The following CNTNAP2 variants were observed in gnomAD, a reference collection of about 807,000 sequenced individuals.
CNTNAP2 encodes the protein contactin associated protein 2.
A neutral mutation model predicts 155.2 loss-of-function variants in CNTNAP2; 98 were observed. The observed-to-expected ratio is 0.63, with a 90% CI of 0.54 to 0.75. The LOEUF (loss-of-function observed/expected upper bound fraction) is 0.75. Ranked by LOEUF, CNTNAP2 falls within the 30% of genes least tolerant of loss-of-function variation. The pLI, the probability that CNTNAP2 is intolerant of heterozygous loss-of-function variation, is 0.00. For missense variants in CNTNAP2, 1,727 were observed against 1,688.1 expected, an observed-to-expected ratio of 1.02 and a Z score of -0.40; for synonymous variants, 651 against 631.2, an observed-to-expected ratio of 1.03 and a Z score of -0.47.
intron 15 of CNTNAP2, among the ~76,000 whole-genome samples, chr7:148,081,453 G>A (rs1008608561): frequency 9.2e-5 from 14 of 151,938 alleles, no homozygotes; most frequent in Non-Finnish European, 1.8e-4. Context: ...ATATAAAGCA[G>A]GCAGAAAAAC....
intron 8 of CNTNAP2, among the ~76,000 whole-genome samples, chr7:147,136,310 C>T (rs1801477287): frequency 6.6e-6 from 1 of 152,006 alleles, no homozygotes; most frequent in Non-Finnish European, 1.5e-5. Context: ...TTTTCTTATA[C>T]TCAAGTATTG....
chr7:147,704,911 T>C (rs1272679786), intron 13 of CNTNAP2, among the ~76,000 whole-genome samples: 2 of 152,118 alleles, frequency 1.3e-5, no homozygotes, highest in Non-Finnish European at 2.9e-5. Context: ...GTAGTGTCAG[T>C]TGTAATGTCT....
At chr7:146,794,733 A>C (rs940537175) in intron 2 of CNTNAP2, among the ~76,000 whole-genome samples, 7 of 152,222 alleles carry the variant, frequency 4.6e-5, no homozygotes, top group Admixed American at 1.3e-4. Flanking sequence ...AAAGCTGTCA[A>C]ACCACGAGAG....
chr7:146,212,256 G>C (rs1277479057), intron 1 of CNTNAP2, among the ~76,000 whole-genome samples: 1 of 152,092 alleles, frequency 6.6e-6, no homozygotes, highest in Non-Finnish European at 1.5e-5. Flanking sequence ...TTATTTTGAA[G>C]CCCCTACTAT....
intron 2 of CNTNAP2, among the ~76,000 whole-genome samples, chr7:146,828,135 C>G (rs1166509498): frequency 6.6e-6 from 1 of 151,886 alleles, no homozygotes. Flanking sequence ...TAGACGTGCT[C>G]TACAAATATT....
intron 4 of CNTNAP2, among the ~76,000 whole-genome samples, chr7:147,068,830 C>T (rs934279873): frequency 1.3e-5 from 2 of 152,182 alleles, no homozygotes; most frequent in African/African-American, 4.8e-5. Flanking sequence ...TGAAATACAT[C>T]TTAATATTTG....
intron 1 of CNTNAP2, among the ~76,000 whole-genome samples, chr7:146,770,008 A>G (rs183391942): frequency 2.0e-5 from 3 of 152,266 alleles, no homozygotes; most frequent in South Asian, 2.1e-4. Flanking sequence ...CCTGTAGGAA[A>G]GGGGTTCATT....
intron 3 of CNTNAP2, among the ~76,000 whole-genome samples, chr7:146,942,763 T>A (rs1302406271): frequency 6.6e-6 from 1 of 152,184 alleles, no homozygotes; most frequent in Non-Finnish European, 1.5e-5. Context: ...AATGTTAGTG[T>A]GTTTTGGAGA....
intron 18 of CNTNAP2, among the ~76,000 whole-genome samples, chr7:148,176,141 T>C (rs1398455168): frequency 6.6e-6 from 1 of 151,798 alleles, no homozygotes; most frequent in Non-Finnish European, 1.5e-5. Context: ...TCCGCACTAG[T>C]CAAAACCACA....
intron 13 of CNTNAP2, among the ~76,000 whole-genome samples, chr7:147,768,041 C>A (rs1441183427): frequency 2.0e-5 from 3 of 152,034 alleles, no homozygotes; most frequent in Admixed American, 2.0e-4. Flanking sequence ...AGTGAGGAAA[C>A]AATGCTTTCA....
intron 1 of CNTNAP2, among the ~76,000 whole-genome samples, chr7:146,161,599 A>G (rs1232808721): frequency 6.6e-6 from 1 of 152,204 alleles, no homozygotes; most frequent in African/African-American, 2.4e-5. Flanking sequence ...AAGGTAATTT[A>G]TAGATTCAAT....
At chr7:146,454,101 T>C (rs563732701) in intron 1 of CNTNAP2, among the ~76,000 whole-genome samples, 1 of 152,176 alleles carries the variant, frequency 6.6e-6, no homozygotes, top group Non-Finnish European at 1.5e-5. Context: ...AAGATAAAGA[T>C]AAAATTTTAA....
In CNTNAP2 at chr7:147,289,339, C is replaced by T. The variant is rs1805250355; in HGVS notation, c.1349-10802C>T. Among the ~76,000 whole-genome samples the T allele has an allele frequency of 2.0e-5, 3 of 151,940 alleles. No homozygotes were observed. The South Asian group carries it at 6.2e-4, about 32-fold the overall frequency. On this transcript the variant is annotated intron_variant, in intron 8 of 23. Transcript: ENST00000361727. ...AGATGAATTAGAACCCTCCTTGAAG[C>T]CAACAATAGCTTCCTATTCATGACA...
chr7:148,072,627 G>A (rs1012055755), intron 15 of CNTNAP2, among the ~76,000 whole-genome samples: 9 of 152,170 alleles, frequency 5.9e-5, no homozygotes, highest in East Asian at 5.8e-4. Flanking sequence ...TTATCTAAAC[G>A]GTTAACAGAA....
intron 1 of CNTNAP2, among the ~76,000 whole-genome samples, chr7:146,349,050 T>C (rs954859097): frequency 1.3e-5 from 2 of 152,166 alleles, no homozygotes; most frequent in African/African-American, 4.8e-5. Context: ...TGTTAGTTCA[T>C]AGTAAGTTAC....
intron 13 of CNTNAP2, among the ~76,000 whole-genome samples, chr7:147,839,072 A>C (rs939772048): frequency 6.6e-6 from 1 of 152,236 alleles, no homozygotes; most frequent in Non-Finnish European, 1.5e-5. Context: ...CCAATGTTCA[A>C]GGGCAGGAAG....
intron 1 of CNTNAP2, among the ~76,000 whole-genome samples, chr7:146,593,876 G>A (rs1357366435): frequency 6.6e-6 from 1 of 152,124 alleles, no homozygotes; most frequent in Non-Finnish European, 1.5e-5. Context: ...TAAGAATCTT[G>A]CAGAGTTGGT....
intron 1 of CNTNAP2, among the ~76,000 whole-genome samples, chr7:146,181,681 G>T (rs1281681067): frequency 6.6e-6 from 1 of 152,078 alleles, no homozygotes; most frequent in Non-Finnish European, 1.5e-5. Context: ...GTAGTTTTAT[G>T]CTTACTTGGC....
chr7:146,155,360 G>A (rs1798109326), intron 1 of CNTNAP2, among the ~76,000 whole-genome samples: 1 of 152,134 alleles, frequency 6.6e-6, no homozygotes, highest in South Asian at 2.1e-4. Flanking sequence ...TGATATTTCA[G>A]AACAACAAGT....
Sources: gnomAD v4.1 joint callset for allele counts (sites outside exome capture counted in the v4.1 genomes callset) on GRCh38, gnomAD v4.1.1 for gene constraint, MANE v1.5 for transcripts, NCBI Gene and HGNC (gene_info 2026-07-23, HGNC 2026-07-21) for gene names.